The following PCDH15 variants were observed in gnomAD, a reference collection of about 807,000 sequenced individuals.
PCDH15 encodes protocadherin-15.
Under a neutral mutation model 178.5 loss-of-function variants are expected in PCDH15, and 129 were observed. The ratio of observed to expected loss-of-function variants is 0.72; its 90% CI spans 0.63 to 0.84. The LOEUF (loss-of-function observed/expected upper bound fraction) is 0.84. Among genes scored for constraint, PCDH15 ranks in the 40% least tolerant of loss-of-function variants. The probability of loss-of-function intolerance (pLI) is 0.00; values close to 1 mark genes in which losing one functional copy is unlikely to be tolerated. For missense variants in PCDH15, 2,230 were observed against 2,099.9 expected (o/e 1.06, Z -1.21); for synonymous variants, 800 against 732.0 (o/e 1.09, Z -1.50).
intron 1 of PCDH15, among the ~76,000 whole-genome samples, chr10:55,230,773 A>T (rs1307971631): frequency 2.0e-5 from 3 of 152,032 alleles, no homozygotes; most frequent in Non-Finnish European, 4.4e-5. Flanking sequence ...TGTAATAGAA[A>T]GAGAGACTAA....
chr10:54,089,878 G>C lies in PCDH15; in HGVS notation c.1997+106C>G, dbSNP rs1392461486. 3 of 832,242 alleles carry C rather than the reference G, an allele frequency of 3.6e-6. No individual in the cohort carries two copies. The African/African-American group carries it at 5.1e-5, about 14-fold the overall frequency. 51.6% of individuals were successfully genotyped at this position (832,242 alleles called of 1,614,324 possible). Reference sequence around the variant, plus strand: ...TTAGCATTCATAGAAAACAGAAAGGGAAGTACAACTACAAACAGCTGAAAG... The same window carrying C: ...TTAGCATTCATAGAAAACAGAAAGGCAAGTACAACTACAAACAGCTGAAAG... On this transcript the variant is annotated intron_variant, in intron 16 of 37. Transcript: ENST00000644397.
chr10:54,502,047 T>C (rs2080744447), intron 3 of PCDH15, among the ~76,000 whole-genome samples: 2 of 151,960 alleles, frequency 1.3e-5, no homozygotes, highest in Non-Finnish European at 2.9e-5. Flanking sequence ...CTCCTCCCCT[T>C]TCCTCTCTTC....
At chr10:54,265,007 C>T (rs938843976) in intron 8 of PCDH15, among the ~76,000 whole-genome samples, 5 of 152,012 alleles carry the variant, frequency 3.3e-5, no homozygotes, top group Non-Finnish European at 7.4e-5. Context: ...TCAGACACAG[C>T]TAGAGAAAAG....
intron 2 of PCDH15, among the ~76,000 whole-genome samples, chr10:55,346,249 A>G (rs1354325774): frequency 1.3e-5 from 2 of 152,176 alleles, no homozygotes; most frequent in Admixed American, 6.6e-5. Context: ...AAAAATGAAC[A>G]AATCTGTTGG....
At position 54,355,943 on chromosome 10, in the gene PCDH15, C is replaced by T. The variant is rs188336217; in HGVS notation, c.475-9459G>A. On this transcript the variant is annotated intron_variant, in intron 5 of 37. Coordinates refer to ENST00000644397, the MANE Select transcript of PCDH15 (RefSeq NM_001384140.1). ...ATATAGCCAACCACAGTAATTTACA[C>T]TTTCCTCAATTATATTTCAAAAAAT... 1.5e-3 allele frequency among the ~76,000 whole-genome samples: 229 copies of T among 152,168 alleles called. 1 individual carries two copies. Among genetic ancestry groups the T allele is most frequent in the African/African-American group, 5.3e-3 (222 of 41,564 alleles).
intron 2 of PCDH15, among the ~76,000 whole-genome samples, chr10:54,598,923 T>C (rs1415168267): frequency 4.0e-5 from 6 of 151,808 alleles, no homozygotes; most frequent in Admixed American, 1.3e-4. Flanking sequence ...ACCAGAAAGG[T>C]GAAAGATCTC....
At chr10:54,308,937 T>C (rs2060721206) in intron 8 of PCDH15, among the ~76,000 whole-genome samples, 1 of 152,106 alleles carries the variant, frequency 6.6e-6, no homozygotes, top group Admixed American at 6.6e-5. Context: ...ATATGTTGAC[T>C]CTAGATGTGT....
chr10:54,923,655 C>T (rs933414835), intron 2 of PCDH15, among the ~76,000 whole-genome samples: 1 of 137,780 alleles, frequency 7.3e-6, no homozygotes, highest in African/African-American at 2.5e-5. Flanking sequence ...TTCAAAGTTC[C>T]ACAAATCCCT....
intron 23 of PCDH15, among the ~76,000 whole-genome samples, chr10:53,949,269 G>A (rs976952482): frequency 1.3e-5 from 2 of 152,192 alleles, no homozygotes; most frequent in Admixed American, 6.5e-5. Context: ...TTTTAATAGT[G>A]CCATAAAAAG....
At chr10:54,725,235 TA>T (rs1005448114) in intron 1 of PCDH15, among the ~76,000 whole-genome samples, 1 of 151,098 alleles carries the variant, frequency 6.6e-6, no homozygotes, top group Non-Finnish European at 1.5e-5. Flanking sequence ...TACTAATTTG[TA>T]AAAATATTTA....
intron 7 of PCDH15, among the ~76,000 whole-genome samples, chr10:54,319,713 G>A (rs2061476494): frequency 7.3e-6 from 1 of 137,738 alleles, no homozygotes; most frequent in Admixed American, 7.2e-5. Flanking sequence ...TAACAGACCT[G>A]TATTTTTTTT....
chr10:55,063,849 A>C (rs1022378381), intron 2 of PCDH15, among the ~76,000 whole-genome samples: 4 of 152,156 alleles, frequency 2.6e-5, no homozygotes, highest in African/African-American at 9.6e-5. Flanking sequence ...GGGACTCCAA[A>C]GTTATCAGAA....
chr10:54,100,533 T>C (rs1199112411), intron 15 of PCDH15, among the ~76,000 whole-genome samples: 2 of 152,158 alleles, frequency 1.3e-5, no homozygotes, highest in Non-Finnish European at 2.9e-5. Context: ...GATACTCAGA[T>C]AAAATGGCAC....
chr10:55,521,908 A>T (rs976574762), intron 2 of PCDH15, among the ~76,000 whole-genome samples: 2 of 151,932 alleles, frequency 1.3e-5, no homozygotes, highest in African/African-American at 4.8e-5. Context: ...ACCCAGCATC[A>T]TGAGAGAGTA....
At chr10:54,931,117 TA>T (rs1837763313) in intron 2 of PCDH15, among the ~76,000 whole-genome samples, 3 of 152,180 alleles carry the variant, frequency 2.0e-5, no homozygotes, top group Admixed American at 2.0e-4. Flanking sequence ...TTCAGATACA[TA>T]AAATTATATC....
chr10:53,926,030 A>G (rs2133931202), intron 25 of PCDH15, among the ~76,000 whole-genome samples: 1 of 152,272 alleles, frequency 6.6e-6, no homozygotes, highest in Non-Finnish European at 1.5e-5. Context: ...GATCTTATTC[A>G]TGTCACCCAA....
chr10:53,862,621 G>A (rs942504766), intron 27 of PCDH15, among the ~76,000 whole-genome samples: 1 of 151,984 alleles, frequency 6.6e-6, no homozygotes, highest in Non-Finnish European at 1.5e-5. Flanking sequence ...TCATTAGTTG[G>A]TTGTTTTCAA....
chr10:54,594,624 G>A lies in PCDH15; in HGVS notation c.92-66747C>T, dbSNP rs115615872. Among the ~76,000 whole-genome samples the A allele has an allele frequency of 3.8e-3, 573 of 152,210 alleles. 6 individuals are homozygous for A. Among genetic ancestry groups the A allele is most frequent in the African/African-American group, 0.013 (526 of 41,552 alleles). The stretch of plus-strand genomic sequence containing the variant: ...ACAGCCTCCTCCATACTGCTTTGCT[G>A]GCAGGCACTCGCTGCCAGCGATCCC... On this transcript the variant is annotated intron_variant, in intron 2 of 37. Coordinates refer to ENST00000644397, the MANE Select transcript of PCDH15 (RefSeq NM_001384140.1).
intron 2 of PCDH15, among the ~76,000 whole-genome samples, chr10:54,936,050 C>G (rs993027627): frequency 6.6e-6 from 1 of 152,004 alleles, no homozygotes; most frequent in Non-Finnish European, 1.5e-5. Flanking sequence ...TCATTCCCCT[C>G]AATACCCTCA....
Sources: gnomAD v4.1 joint callset for allele counts (sites outside exome capture counted in the v4.1 genomes callset) on GRCh38, gnomAD v4.1.1 for gene constraint, MANE v1.5 for transcripts, NCBI Gene and HGNC (gene_info 2026-07-23, HGNC 2026-07-21) for gene names.